Variants in SLC28A3 observed in about 807,000 individuals in gnomAD.
The protein encoded by SLC28A3 is concentrative Na(+)-nucleoside cotransporter 3.
In SLC28A3, 68 loss-of-function variants were observed where a neutral mutation model predicts 84.2. The ratio of observed to expected loss-of-function variants is 0.81; its 90% CI spans 0.66 to 0.99. The LOEUF is 0.99. SLC28A3 is among the 50% of genes least tolerant of loss of function. The pLI, the probability that SLC28A3 is intolerant of heterozygous loss-of-function variation, is 0.00. For missense variants in SLC28A3, 712 were observed against 841.5 expected (o/e 0.85, Z 1.90); for synonymous variants, 267 against 303.6 (o/e 0.88, Z 1.25).
chr9:84,297,159 A>G, intron 8 of SLC28A3, 62 bp downstream of exon 8: 1 of 1,441,488 alleles, frequency 6.9e-7, no homozygotes, highest in South Asian at 1.2e-5. Context: ...CTATCTGAAC[A>G]TCTACAAAGA....
chr9:84,350,970 G>C, the SLC28A3 span, among the ~76,000 whole-genome samples: 1 of 152,132 alleles, frequency 6.6e-6, no homozygotes, highest in Admixed American at 6.5e-5. Flanking sequence ...GCCTCCCAAA[G>C]TGCTGGGATT....
chr9:84,329,868 C>CAAAT (rs1434786231), intron 1 of SLC28A3, among the ~76,000 whole-genome samples: 2 of 151,624 alleles, frequency 1.3e-5, no homozygotes, highest in Admixed American at 6.6e-5. Flanking sequence ...GCCCTCATCA[C>CAAAT]AAATAAATAA....
At chr9:84,315,290 G>A (rs1458076538) in intron 1 of SLC28A3, among the ~76,000 whole-genome samples, 1 of 152,178 alleles carries the variant, frequency 6.6e-6, no homozygotes, top group African/African-American at 2.4e-5. Flanking sequence ...AGGTCACTGA[G>A]GGGCTAGTCC....
intron 1 of SLC28A3, among the ~76,000 whole-genome samples, chr9:84,337,431 C>CGTGTGTGTGTGTGTGT (rs1564181314): frequency 1.4e-5 from 2 of 145,732 alleles, no homozygotes; most frequent in African/African-American, 5.1e-5. Context: ...GGGATGCTAG[C>CGTGTGTGTGTGTGTGT]CTGTGTGTGT....
At chr9:84,295,411 C>A (rs140506034) in intron 8 of SLC28A3, among the ~76,000 whole-genome samples, 3 of 151,954 alleles carry the variant, frequency 2.0e-5, no homozygotes, top group Non-Finnish European at 4.4e-5. Context: ...ATGGCGAAAC[C>A]CTGTCTCTAC....
At chr9:84,288,730 G>C (rs1294081412) in intron 11 of SLC28A3, among the ~76,000 whole-genome samples, 1 of 152,064 alleles carries the variant, frequency 6.6e-6, no homozygotes, top group Non-Finnish European at 1.5e-5. Flanking sequence ...TCTTTTAGTA[G>C]AGATGGGGTT....
intron 8 of SLC28A3, 75 bp downstream of exon 8, chr9:84,297,146 G>T: frequency 2.3e-6 from 3 of 1,328,504 alleles, no homozygotes; most frequent in Non-Finnish European, 3.2e-6. Flanking sequence ...GGTCAGTTAA[G>T]TTCTATCTGA....
At chr9:84,309,599 T>A (rs1825919539) in intron 3 of SLC28A3, 30 bp downstream of exon 3, 1 of 1,537,592 alleles carries the variant, frequency 6.5e-7, no homozygotes, top group Admixed American at 1.7e-5. Context: ...GGAGGTAGGC[T>A]TGGTTATTTC....
At chr9:84,317,806 A>G (rs1260488374) in intron 1 of SLC28A3, among the ~76,000 whole-genome samples, 3 of 152,094 alleles carry the variant, frequency 2.0e-5, no homozygotes, top group Non-Finnish European at 4.4e-5. Flanking sequence ...TATTAAGTTA[A>G]TTTCATGGTT....
chr9:84,298,316 A>G (rs1588581162), intron 6 of SLC28A3, among the ~76,000 whole-genome samples: 1 of 152,054 alleles, frequency 6.6e-6, no homozygotes, highest in Non-Finnish European at 1.5e-5. Context: ...GCAAAACCCC[A>G]TCTCTACTAA....
At chr9:84,304,476 A>T (rs1327748830) in intron 4 of SLC28A3, among the ~76,000 whole-genome samples, 1 of 152,284 alleles carries the variant, frequency 6.6e-6, no homozygotes, top group Admixed American at 6.5e-5. Flanking sequence ...AAAAAAAACA[A>T]AAACAAACCA....
chr9:84,353,705 G>A, the SLC28A3 span, among the ~76,000 whole-genome samples: 5 of 152,158 alleles, frequency 3.3e-5, no homozygotes, highest in African/African-American at 1.2e-4. Context: ...GCAAGACTCT[G>A]TCTCCAAAAA....
At chr9:84,307,439 A>ACAAAAAC (rs1564161809) in intron 3 of SLC28A3, among the ~76,000 whole-genome samples, 2 of 150,740 alleles carry the variant, frequency 1.3e-5, no homozygotes, top group Non-Finnish European at 2.9e-5. Flanking sequence ...TCAAAAAAAA[A>ACAAAAAC]AAAAAACAAA....
upstream of SLC28A3, among the ~76,000 whole-genome samples, chr9:84,342,701 C>A (rs977669296): frequency 2.6e-5 from 4 of 151,970 alleles, no homozygotes; most frequent in African/African-American, 9.7e-5. Context: ...GGATTACAGG[C>A]ACTGTGCCTG....
chr9:84,309,256 C>A (rs995557795), intron 3 of SLC28A3, among the ~76,000 whole-genome samples: 1 of 151,890 alleles, frequency 6.6e-6, no homozygotes, highest in African/African-American at 2.4e-5. Flanking sequence ...GGTGCCATGG[C>A]TCATGCTTGT....
the SLC28A3 span, among the ~76,000 whole-genome samples, chr9:84,351,177 A>G: frequency 2.0e-5 from 3 of 152,354 alleles, no homozygotes; most frequent in African/African-American, 7.2e-5. Flanking sequence ...GCTAAATACT[A>G]CAGCATAAAC....
intron 1 of SLC28A3, among the ~76,000 whole-genome samples, chr9:84,327,504 C>G (rs1826609735): frequency 6.6e-6 from 1 of 152,106 alleles, no homozygotes; most frequent in Non-Finnish European, 1.5e-5. Flanking sequence ...ATAGCCTCAA[C>G]AACCCTGCAA....
chr9:84,356,842 T>TAAAATA, the SLC28A3 span, among the ~76,000 whole-genome samples: 10 of 151,398 alleles, frequency 6.6e-5, no homozygotes, highest in Non-Finnish European at 1.5e-4. Flanking sequence ...AAAAAATAAA[T>TAAAATA]AAATAAAATA....
In SLC28A3 at chr9:84,297,139, C is replaced by A; in HGVS notation, c.861+82G>T. On this transcript the variant is annotated intron_variant, in intron 8 of 17. Coordinates refer to ENST00000376238, the MANE Select transcript of SLC28A3 (RefSeq NM_001199633.2). ...AGTAGGTATATACCTGGTTTTTGGT[C>A]AGTTAAGTTCTATCTGAACATCTAC... 4 of 1,212,296 alleles carry A rather than the reference C, an allele frequency of 3.3e-6. No homozygotes were observed. The South Asian group carries it at 4.1e-5, about 12-fold the overall frequency. 75.1% of individuals were successfully genotyped at this position (1,212,296 alleles called of 1,614,324 possible). A position where few individuals can be genotyped will look rare whatever the true frequency, so the allele number is the denominator to read the frequency against.
Sources: allele counts gnomAD v4.1 joint callset (sites outside exome capture counted in the v4.1 genomes callset), GRCh38; gene constraint gnomAD v4.1.1; transcripts MANE v1.5; gene names NCBI Gene and HGNC (gene_info 2026-07-23, HGNC 2026-07-21).